Variants in POPDC1 observed in about 807,000 individuals in gnomAD.
The protein encoded by POPDC1 is popeye domain cAMP effector 1, also known as popeye domain-containing protein 1.
At chr6:105,134,532 A>AT in the POPDC1 span, among the ~76,000 whole-genome samples, 1 of 152,166 alleles carries the variant, frequency 6.6e-6, no homozygotes. Flanking sequence ...TGGGGACCCT[A>AT]AATACATTTA....
the POPDC1 span, chr6:105,124,569 A>T: frequency 6.2e-7 from 1 of 1,609,690 alleles, no homozygotes; most frequent in Non-Finnish European, 8.5e-7. Flanking sequence ...ACCTTTGTGC[A>T]TCTGAGTTGA....
chr6:105,127,328 A>G, the POPDC1 span, among the ~76,000 whole-genome samples: 2 of 152,232 alleles, frequency 1.3e-5, no homozygotes, highest in Non-Finnish European at 2.9e-5. Context: ...TTGGGGTTCC[A>G]GCAAGTTCTG....
chr6:105,111,467 G>A, the POPDC1 span, among the ~76,000 whole-genome samples: 41 of 152,130 alleles, frequency 2.7e-4, 1 homozygote, highest in Non-Finnish European at 1.5e-5. Context: ...ACATACACTG[G>A]CACTAAAGCG....
chr6:105,115,713 G>A, the POPDC1 span: 89 of 1,613,988 alleles, frequency 5.5e-5, no homozygotes, highest in South Asian at 1.2e-4. Flanking sequence ...GAGGTACCCC[G>A]AAGAAACTGG....
the POPDC1 span, among the ~76,000 whole-genome samples, chr6:105,113,361 C>T: frequency 7.9e-5 from 12 of 152,194 alleles, no homozygotes; most frequent in Non-Finnish European, 1.0e-4. Context: ...CTAACACCCG[C>T]TGTAGTAGAC....
At chr6:105,112,604 G>T in the POPDC1 span, among the ~76,000 whole-genome samples, 1 of 152,136 alleles carries the variant, frequency 6.6e-6, no homozygotes, top group Non-Finnish European at 1.5e-5. Flanking sequence ...TAATTGAAAT[G>T]GATTACATTA....
the POPDC1 span, among the ~76,000 whole-genome samples, chr6:105,102,356 G>T: frequency 6.6e-6 from 1 of 152,220 alleles, no homozygotes; most frequent in Non-Finnish European, 1.5e-5. Flanking sequence ...AGACAGCTGG[G>T]TTGGCCAGCA....
the POPDC1 span, among the ~76,000 whole-genome samples, chr6:105,131,085 C>T: frequency 6.6e-6 from 1 of 152,108 alleles, no homozygotes; most frequent in African/African-American, 2.4e-5. Flanking sequence ...AGAGTTAATA[C>T]AGTATATACA....
the POPDC1 span, among the ~76,000 whole-genome samples, chr6:105,113,542 C>T: frequency 6.6e-6 from 1 of 152,200 alleles, no homozygotes; most frequent in Non-Finnish European, 1.5e-5. Context: ...GGAGCTTTAA[C>T]AGCCAGCCAT....
the POPDC1 span, chr6:105,097,533 G>A: frequency 6.6e-6 from 1 of 152,246 alleles, no homozygotes; most frequent in Non-Finnish European, 1.5e-5. Context: ...TTTCTCTGGA[G>A]TGCCAAGTCA....
the POPDC1 span, among the ~76,000 whole-genome samples, chr6:105,109,846 A>C: frequency 6.6e-6 from 1 of 151,010 alleles, no homozygotes; most frequent in East Asian, 1.9e-4. Context: ...CAACTGTTTC[A>C]AAGTGACTGT....
At chr6:105,115,044 CA>C in the POPDC1 span, among the ~76,000 whole-genome samples, 1 of 152,282 alleles carries the variant, frequency 6.6e-6, no homozygotes, top group Middle Eastern at 3.4e-3. Context: ...AAAACCAAAG[CA>C]AAAAAATCAA....
At chr6:105,127,863 C>T in the POPDC1 span, among the ~76,000 whole-genome samples, 4 of 152,042 alleles carry the variant, frequency 2.6e-5, no homozygotes, top group South Asian at 2.1e-4. Flanking sequence ...TGGGTTCAAG[C>T]GATTCTTGTG....
chr6:105,118,318 T>C, the POPDC1 span, among the ~76,000 whole-genome samples: 1 of 152,192 alleles, frequency 6.6e-6, no homozygotes. Context: ...AAATTAAGAA[T>C]GTCTGGCTAC....
the POPDC1 span, among the ~76,000 whole-genome samples, chr6:105,128,632 T>C: frequency 3.0e-4 from 46 of 152,248 alleles, no homozygotes; most frequent in African/African-American, 1.1e-3. Context: ...TCTAGTTGAA[T>C]GCCTATTATA....
At chr6:105,108,724 C>G in the POPDC1 span, among the ~76,000 whole-genome samples, 1 of 152,234 alleles carries the variant, frequency 6.6e-6, no homozygotes, top group Non-Finnish European at 1.5e-5. Flanking sequence ...GAACAAGAGT[C>G]ATGACATTGG....
At chr6:105,126,255 A>T in the POPDC1 span, among the ~76,000 whole-genome samples, 1 of 151,516 alleles carries the variant, frequency 6.6e-6, no homozygotes, top group African/African-American at 2.4e-5. Flanking sequence ...AAATAAAAAA[A>T]AGAAAGAAAG....
chr6:105,131,562 C>T, the POPDC1 span, among the ~76,000 whole-genome samples: 1 of 152,132 alleles, frequency 6.6e-6, no homozygotes, highest in Non-Finnish European at 1.5e-5. Context: ...ACCACAGATG[C>T]ATGCCACCAT....
At chr6:105,116,553 A>G in the POPDC1 span, 2 of 642,022 alleles carry the variant, frequency 3.1e-6, no homozygotes. Flanking sequence ...TAATCATTAC[A>G]AAATACTTTC....
Sources: allele counts gnomAD v4.1 joint callset (sites outside exome capture counted in the v4.1 genomes callset), GRCh38; gene constraint gnomAD v4.1.1; transcripts MANE v1.5; gene names NCBI Gene and HGNC (gene_info 2026-07-23, HGNC 2026-07-21).